Variants in IRF2BPL observed in about 807,000 individuals in gnomAD.
The protein encoded by IRF2BPL is probable E3 ubiquitin-protein ligase IRF2BPL.
A neutral mutation model predicts 51.2 loss-of-function variants in IRF2BPL; 13 were observed. The observed-to-expected ratio is 0.25, with a 90% confidence interval of 0.17 to 0.40. IRF2BPL has a LOEUF of 0.40. Among genes scored for constraint, IRF2BPL ranks in the 10% least tolerant of loss-of-function variants. IRF2BPL has a pLI of 1.00. For missense variants in IRF2BPL, 1,210 were observed against 1,111.8 expected (o/e 1.09, Z -1.26); for synonymous variants, 768 against 509.2 (o/e 1.51, Z -6.84).
rs1885205689 is a variant in IRF2BPL, at chr14:77,027,853, C to A, written c.-61G>T. 3 of 1,423,710 alleles carry A rather than the reference C, an allele frequency of 2.1e-6. No individual in the cohort carries two copies. The East Asian group carries it at 8.4e-5, about 40-fold the overall frequency. 88.2% of individuals were successfully genotyped at this position (1,423,710 alleles called of 1,614,324 possible). ...GCTGTCTCCGCGGCGCCTTCTCCTC[C>A]GGGAGGACTGGCCGGCTGGGGAGGG... On this transcript the variant is annotated 5_prime_UTR_variant, in exon 1 of 1. Coordinates refer to ENST00000238647, the MANE Select transcript of IRF2BPL (RefSeq NM_024496.4).
Position 77,024,594 on chromosome 14 carries a change from GTGTTC to G in IRF2BPL, c.*803_*807del, listed in dbSNP as rs1276334539. 2.0e-5 allele frequency: 3 copies of G among 152,600 alleles called. No homozygotes were observed. The highest frequency in any genetic ancestry group is 2.9e-5 in the Non-Finnish European group (2 of 68,042). The allele number at this position is 152,600 out of a possible 1,614,324, so 9.5% of individuals were successfully genotyped here. A position where few individuals can be genotyped will look rare whatever the true frequency, so the allele number is the denominator to read the frequency against. ...TTACTAAGCTCCAAGGCACATTACA[GTGTTC>G]TGTTAACTACAGAAATGTATAAAGG... is the stretch of plus-strand genomic sequence containing the variant. On this transcript the variant is annotated 3_prime_UTR_variant, in exon 1 of 1. Coordinates refer to ENST00000238647, the MANE Select transcript of IRF2BPL (RefSeq NM_024496.4).
chr14:77,027,371 G>C lies in IRF2BPL; in HGVS notation c.422C>G (p.Ala141Gly). ...GTAGCGCTCCAGGCCAGACGGGGCC[G>C]CCAGCACCGCAGGCTTGCTGGAACC... ...VDGSSKPAVL[A>G]APSGLERYGL... The change falls in exon 1 of 1, where the codon GCG becomes GGG. Residue 141 changes from alanine to glycine, a missense_variant. Coordinates refer to ENST00000238647, the MANE Select transcript of IRF2BPL (RefSeq NM_024496.4). The C allele has an allele frequency of 6.6e-7, 1 of 1,504,224 alleles. No individual in the cohort carries two copies. The highest frequency in any genetic ancestry group is 8.8e-7 in the Non-Finnish European group (1 of 1,129,946). 93.2% of individuals were successfully genotyped at this position (1,504,224 alleles called of 1,614,324 possible). A position where few individuals can be genotyped will look rare whatever the true frequency, so the allele number is the denominator to read the frequency against.
rs1177535135 is a variant in IRF2BPL at position 77,028,659 on chromosome 14, C to T, written c.-867G>A. 4 of 383,772 alleles carry T rather than the reference C, an allele frequency of 1.0e-5. No homozygotes were observed. The highest frequency in any genetic ancestry group is 1.8e-5 in the Non-Finnish European group (4 of 216,442). The allele number at this position is 383,772 out of a possible 1,614,324, so 23.8% of individuals were successfully genotyped here. On this transcript the variant is annotated 5_prime_UTR_variant, in exon 1 of 1. Coordinates refer to ENST00000238647, the MANE Select transcript of IRF2BPL (RefSeq NM_024496.4). ...GGGTTGTGATTGTTACTCTACGTTC[C>T]GGAGGCGCGTCTCGGCGCTCCTGCT... is the stretch of plus-strand genomic sequence containing the variant.
At position 77,027,425 on chromosome 14, in the gene IRF2BPL, T is replaced by C. The variant is rs1885173284; in HGVS notation, c.368A>G (p.Gln123Arg). 1 of 860,048 alleles carries C rather than the reference T, an allele frequency of 1.2e-6. No individual in the cohort carries two copies. Among genetic ancestry groups the C allele is most frequent in the Non-Finnish European group, 1.5e-6 (1 of 653,904 alleles). The allele number at this position is 860,048 out of a possible 1,614,324, so 53.3% of individuals were successfully genotyped here. ...AACGTGGTTGAGCTGTTGTTGCTGCTGCTGCTGCTGCTGCTGCTGCTGCTG... is the reference window on the plus strand; with the variant it reads ...AACGTGGTTGAGCTGTTGTTGCTGCCGCTGCTGCTGCTGCTGCTGCTGCTG... Reference protein sequence around the residue: ...QQQQQQQQQQQQQQQLNHVDG... With the variant: ...QQQQQQQQQQRQQQQLNHVDG... The change falls in exon 1 of 1, where the codon CAG becomes CGG. Residue 123 changes from glutamine to arginine, a missense_variant. Transcript: ENST00000238647.
rs1221946491 is a variant in IRF2BPL, at chr14:77,027,210, C to A, written c.583G>T (p.Gly195Cys). 6.2e-7 allele frequency: 1 copy of A among 1,608,392 alleles called. No individual in the cohort carries two copies. The highest frequency in any genetic ancestry group is 8.5e-7 in the Non-Finnish European group (1 of 1,177,436). Residue 195 changes from glycine to cysteine, a missense_variant, in exon 1 of 1, where the codon GGC becomes TGC. Physicochemically the swap from Gly to Cys is radical, Grantham distance 159. Coordinates refer to ENST00000238647, the MANE Select transcript of IRF2BPL (RefSeq NM_024496.4). ...HTARLPNGLG[G>C]PNGFPKPTPE... Reference sequence around the variant, plus strand: ...GTTGGTTTGGGGAAGCCGTTTGGGCCCCCCAGGCCGTTGGGCAGTCGCGCG... The same window carrying A: ...GTTGGTTTGGGGAAGCCGTTTGGGCACCCCAGGCCGTTGGGCAGTCGCGCG...
chr14:77,028,227 CCCCCCTA>C lies in IRF2BPL; in HGVS notation c.-442_-436del, dbSNP rs1885225015. ...GGCTGTCTCTTCCTCTCCCCGGGGA[CCCCCCTA>C]CGAGCTGCGTCCTCTCCCCGACGGG... On this transcript the variant is annotated 5_prime_UTR_variant, in exon 1 of 1. Transcript: ENST00000238647. 1 of 225,286 alleles carries C rather than the reference CCCCCCTA, an allele frequency of 4.4e-6. No homozygotes were observed. Among genetic ancestry groups the C allele is most frequent in the Non-Finnish European group, 9.4e-6 (1 of 106,854 alleles). 14.0% of individuals were successfully genotyped at this position (225,286 alleles called of 1,614,324 possible). A position where few individuals can be genotyped will look rare whatever the true frequency, so the allele number is the denominator to read the frequency against.
In IRF2BPL at chr14:77,026,918, G is replaced by A; in HGVS notation, c.875C>T (p.Ala292Val). 1 of 1,480,534 alleles carries A rather than the reference G, an allele frequency of 6.8e-7. No individual in the cohort carries two copies. Among genetic ancestry groups the A allele is most frequent in the South Asian group, 1.3e-5 (1 of 74,076 alleles). 91.7% of individuals were successfully genotyped at this position (1,480,534 alleles called of 1,614,324 possible). A position where few individuals can be genotyped will look rare whatever the true frequency, so the allele number is the denominator to read the frequency against. The change falls in exon 1 of 1, where the codon GCT (alanine) becomes GTT (valine). Residue 292 changes from alanine to valine, a missense_variant. By Grantham distance (64) the Ala-to-Val change is moderately conservative. Coordinates refer to ENST00000238647, the MANE Select transcript of IRF2BPL (RefSeq NM_024496.4). ...RGPPTPAPPG[A>V]PGGPACLGGT... ...CCCGAGACAAGCGGGGCCCCCAGGA[G>A]CCCCTGGGGGAGCAGGCGTCGGGGG... is the stretch of plus-strand genomic sequence containing the variant.
chr14:77,025,392 G>C lies in IRF2BPL; in HGVS notation c.*10C>G. The C allele has an allele frequency of 6.5e-7, 1 of 1,529,036 alleles. No homozygotes were observed. Among genetic ancestry groups the C allele is most frequent in the Admixed American group, 2.1e-5 (1 of 48,732 alleles). 94.7% of individuals were successfully genotyped at this position (1,529,036 alleles called of 1,614,324 possible). On this transcript the variant is annotated 3_prime_UTR_variant, in exon 1 of 1. Coordinates refer to ENST00000238647, the MANE Select transcript of IRF2BPL (RefSeq NM_024496.4). The stretch of plus-strand genomic sequence containing the variant: ...CTGGTCTAGGGCAAAGGAGGTGGCT[G>C]CCCAGTGGTTCAAGGGTCTCTCTCC...
rs1005089809 is a variant in IRF2BPL, at chr14:77,027,623, A to T, written c.170T>A (p.Leu57Gln). The T allele has an allele frequency of 6.2e-7, 1 of 1,604,300 alleles. No individual in the cohort carries two copies. The highest frequency in any genetic ancestry group is 8.5e-7 in the Non-Finnish European group (1 of 1,176,218). The change falls in exon 1 of 1, where the codon CTG becomes CAG. Residue 57 changes from leucine (L) to glutamine (Q), a missense_variant. Leu to Gln is a moderately radical substitution (Grantham distance 113, BLOSUM62 -2). Transcript: ENST00000238647. ...IEFVIETARQ[L>Q]KRAHGCFQDG... is the part of the protein sequence containing the mutation. ...CTGGAAGCAGCCGTGCGCCCGCTTC[A>T]GCTGGCGCGCTGTCTCGATCACGAA...
Position 77,027,418 on chromosome 14 carries a change from T to TTGC in IRF2BPL, c.372_374dup (p.Gln127dup), listed in dbSNP as rs200317113. 639 of 1,385,460 alleles carry TTGC rather than the reference T, an allele frequency of 4.6e-4. No homozygotes were observed. The highest frequency in any genetic ancestry group is 2.2e-3 in the East Asian group (72 of 32,422). 85.8% of individuals were successfully genotyped at this position (1,385,460 alleles called of 1,614,324 possible). ...AACCATCAACGTGGTTGAGCTGTTG[T>TTGC]TGCTGCTGCTGCTGCTGCTGCTGCT... On this transcript the variant is annotated inframe_insertion, in exon 1 of 1. Coordinates refer to ENST00000238647, the MANE Select transcript of IRF2BPL (RefSeq NM_024496.4).
At position 77,025,822 on chromosome 14, in the gene IRF2BPL, G is replaced by T; in HGVS notation, c.1971C>A (p.Ser657Arg). ...HSTTASARRNSSSPVSPASVP... is the reference protein window; with the variant it reads ...HSTTASARRNRSSPVSPASVP... Reference sequence around the variant, plus strand: ...CGGAGGCCGGCGAGACTGGGCTGCTGCTGTTTCGCCGCGCCGACGCAGTGG... The same window carrying T: ...CGGAGGCCGGCGAGACTGGGCTGCTTCTGTTTCGCCGCGCCGACGCAGTGG... The change falls in exon 1 of 1, where the codon AGC (serine) becomes AGA (arginine). Residue 657 changes from serine (S) to arginine (R), a missense_variant. By Grantham distance (110) the Ser-to-Arg change is moderately radical (BLOSUM62 -1). Transcript: ENST00000238647. 6.2e-7 allele frequency: 1 copy of T among 1,612,526 alleles called. No individual in the cohort carries two copies. Among genetic ancestry groups the T allele is most frequent in the Non-Finnish European group, 8.5e-7 (1 of 1,179,762 alleles).
In IRF2BPL at chr14:77,026,403, T is replaced by G; in HGVS notation, c.1390A>C (p.Lys464Gln). 6.2e-7 allele frequency: 1 copy of G among 1,613,286 alleles called. No homozygotes were observed. Among genetic ancestry groups the G allele is most frequent in the Non-Finnish European group, 8.5e-7 (1 of 1,179,978 alleles). The stretch of plus-strand genomic sequence containing the variant: ...CGCCAGTCCCCGGAGCCGTGCTTCT[T>G]TTCGTACTCCAGGTACTTGAAACCC... ...SSGFKYLEYEKKHGSGDWRLL... is the reference protein window; with the variant it reads ...SSGFKYLEYEQKHGSGDWRLL... The change falls in exon 1 of 1, where the codon AAG (lysine) becomes CAG (glutamine). Residue 464 changes from lysine to glutamine, a missense_variant. Coordinates refer to ENST00000238647, the MANE Select transcript of IRF2BPL (RefSeq NM_024496.4).
chr14:77,026,497 G>A lies in IRF2BPL; in HGVS notation c.1296C>T (p.Ser432=), dbSNP rs1344222231. The A allele has an allele frequency of 3.1e-6, 5 of 1,613,512 alleles. No individual in the cohort carries two copies. The highest frequency in any genetic ancestry group is 1.1e-5 in the South Asian group (1 of 91,088). ...TCTGCTTGGCCACACCAGATGCACT[G>A]GAGTACACGTTGCCCGAGCCCGTGG... is the stretch of plus-strand genomic sequence containing the variant. ...EYPTGSGNVY[S]SASGVAKQMY... is the part of the protein sequence containing the mutation. Residue 432 remains serine (S), a synonymous_variant, in exon 1 of 1, where the codon TCC becomes TCT. Coordinates refer to ENST00000238647, the MANE Select transcript of IRF2BPL (RefSeq NM_024496.4).
chr14:77,028,048 C>G lies in IRF2BPL; in HGVS notation c.-256G>C. 1 of 397,672 alleles carries G rather than the reference C, an allele frequency of 2.5e-6. No individual in the cohort carries two copies. Among genetic ancestry groups the G allele is most frequent in the South Asian group, 7.1e-5 (1 of 14,164 alleles). 24.6% of individuals were successfully genotyped at this position (397,672 alleles called of 1,614,324 possible). Reference sequence around the variant, plus strand: ...CCCCCACCTCCTACTGCGGTTGACTCGTCGCGAGGGGAGCTCAGGCGCCTT... The same window carrying G: ...CCCCCACCTCCTACTGCGGTTGACTGGTCGCGAGGGGAGCTCAGGCGCCTT... On this transcript the variant is annotated 5_prime_UTR_variant, in exon 1 of 1. Coordinates refer to ENST00000238647, the MANE Select transcript of IRF2BPL (RefSeq NM_024496.4).
chr14:77,026,917 A>G lies in IRF2BPL; in HGVS notation c.876T>C (p.Ala292=), dbSNP rs1348503182. ...CCCCGAGACAAGCGGGGCCCCCAGG[A>G]GCCCCTGGGGGAGCAGGCGTCGGGG... ...RGPPTPAPPG[A]PGGPACLGGT... The change falls in exon 1 of 1, where the codon GCT becomes GCC. Residue 292 remains alanine (A), a synonymous_variant. Transcript: ENST00000238647. 6.7e-7 allele frequency: 1 copy of G among 1,483,816 alleles called. No homozygotes were observed. The highest frequency in any genetic ancestry group is 8.9e-7 in the Non-Finnish European group (1 of 1,118,416). The allele number at this position is 1,483,816 out of a possible 1,614,324, so 91.9% of individuals were successfully genotyped here.
rs745897352 is a variant in IRF2BPL, at chr14:77,027,466, CTGCTGTTGCTGT to C, written c.315_326del (p.Gln124_Gln127del). The C allele has an allele frequency of 2.1e-5, 30 of 1,415,390 alleles. No individual in the cohort carries two copies. In the African/African-American group the frequency reaches 2.7e-4, roughly 13 times the overall value. The allele number at this position is 1,415,390 out of a possible 1,614,324, so 87.7% of individuals were successfully genotyped here. On this transcript the variant is annotated inframe_deletion, in exon 1 of 1. Transcript: ENST00000238647. Reference sequence around the variant, plus strand: ...GCTGCTGCTGTTGCTGCTGCTGCTGCTGCTGTTGCTGTTGCTGTTGCGCGGCGGCGGCGGCGG... The same window carrying C: ...GCTGCTGCTGTTGCTGCTGCTGCTGCTGCTGTTGCGCGGCGGCGGCGGCGG...
rs1385894984 is a variant in IRF2BPL, at chr14:77,028,407, C to T, written c.-615G>A. 4 of 261,506 alleles carry T rather than the reference C, an allele frequency of 1.5e-5. No homozygotes were observed. Among genetic ancestry groups the T allele is most frequent in the African/African-American group, 6.9e-5 (3 of 43,786 alleles). 16.2% of individuals were successfully genotyped at this position (261,506 alleles called of 1,614,324 possible). ...TCCGCAGCGTCGGCCGTTCTGCTGG[C>T]GGCGACTGGGTTTGCACCCCGGAGG... On this transcript the variant is annotated 5_prime_UTR_variant, in exon 1 of 1. Transcript: ENST00000238647.
At position 77,025,617 on chromosome 14, in the gene IRF2BPL, G is replaced by C; in HGVS notation, c.2176C>G (p.His726Asp). The C allele has an allele frequency of 6.3e-7, 1 of 1,590,744 alleles. No homozygotes were observed. The highest frequency in any genetic ancestry group is 8.6e-7 in the Non-Finnish European group (1 of 1,166,382). ...TICHERLEDT[H>D]FVQCPSVPSH... ...GGGACGGAAGGGCACTGAACGAAAT[G>C]CGTATCCTCCAAACGTTCGTGGCAA... Residue 726 changes from histidine (H) to aspartate (D), a missense_variant, in exon 1 of 1, where the codon CAT becomes GAT. Physicochemically the swap from His to Asp is moderately conservative, Grantham distance 81 (BLOSUM62 -1). Transcript: ENST00000238647.
At position 77,026,836 on chromosome 14, in the gene IRF2BPL, C is replaced by T. The variant is rs370738204; in HGVS notation, c.957G>A (p.Ser319=). The change falls in exon 1 of 1, where the codon TCG becomes TCA. Residue 319 remains serine, a synonymous_variant. Transcript: ENST00000238647. ...CAGCACCCACGCCCACCTCTGCCAC[C>T]GACGAAGAGGTCGAAGACGACGCGG... ...SSSASSSTSS[S]VAEVGVGAGG... 1.9e-4 allele frequency: 313 copies of T among 1,610,862 alleles called. No individual in the cohort carries two copies. The highest frequency in any genetic ancestry group is 2.5e-4 in the Non-Finnish European group (300 of 1,178,956).
Sources: gnomAD v4.1 joint callset for allele counts on GRCh38, gnomAD v4.1.1 for gene constraint, MANE v1.5 for transcripts, NCBI Gene and HGNC (gene_info 2026-07-23, HGNC 2026-07-21) for gene names.